NRG3: variants seen among roughly 807,000 people sequenced by gnomAD.
NRG3 encodes neuregulin 3.
Under a neutral mutation model 66.9 loss-of-function variants are expected in NRG3, and 31 were observed. That is an observed-to-expected ratio of 0.46 (90% CI 0.35 to 0.63). NRG3 has a LOEUF of 0.63. Ranked by LOEUF, NRG3 falls within the 20% of genes least tolerant of loss-of-function variation. The pLI is 0.00. For missense variants in NRG3, 910 were observed against 878.9 expected (o/e 1.04, Z -0.45); for synonymous variants, 393 against 359.4 (o/e 1.09, Z -1.06).
At chr10:82,616,340 T>G (rs945056746) in intron 2 of NRG3, among the ~76,000 whole-genome samples, 3 of 152,200 alleles carry the variant, frequency 2.0e-5, no homozygotes, top group Non-Finnish European at 2.9e-5. Context: ...AAGAAGTGGC[T>G]TTCCACATTA....
intron 4 of NRG3, among the ~76,000 whole-genome samples, chr10:82,914,186 C>A (rs1025125806): frequency 2.0e-5 from 3 of 151,920 alleles, no homozygotes; most frequent in African/African-American, 4.8e-5. Flanking sequence ...CATTACCCAT[C>A]TGTTATTGCA....
At chr10:82,583,516 T>C (rs1325370638) in intron 2 of NRG3, among the ~76,000 whole-genome samples, 1 of 152,234 alleles carries the variant, frequency 6.6e-6, no homozygotes, top group Non-Finnish European at 1.5e-5. Context: ...AAGTATTTGG[T>C]ACTGTGTTTG....
At chr10:82,381,159 G>T (rs373867116) in intron 2 of NRG3, among the ~76,000 whole-genome samples, 2 of 152,160 alleles carry the variant, frequency 1.3e-5, no homozygotes, top group East Asian at 1.9e-4. Flanking sequence ...TGTTTTGGGG[G>T]AAGGAAGAAG....
chr10:82,108,001 G>C (rs2067171168), intron 1 of NRG3, among the ~76,000 whole-genome samples: 1 of 152,182 alleles, frequency 6.6e-6, no homozygotes, highest in South Asian at 2.1e-4. Context: ...CGTCTGTGAG[G>C]TCTACTTTGG....
At chr10:82,530,727 T>G (rs1847165349) in intron 2 of NRG3, among the ~76,000 whole-genome samples, 1 of 151,868 alleles carries the variant, frequency 6.6e-6, no homozygotes, top group South Asian at 2.1e-4. Context: ...GAATCCAAAG[T>G]TTGGACAACA....
intron 1 of NRG3, among the ~76,000 whole-genome samples, chr10:82,242,860 C>T (rs533675162): frequency 6.6e-6 from 1 of 152,322 alleles, no homozygotes; most frequent in South Asian, 2.1e-4. Context: ...AAAGGGAATT[C>T]TACTGGCAAA....
intron 2 of NRG3, among the ~76,000 whole-genome samples, chr10:82,476,905 A>C (rs1418975019): frequency 6.6e-6 from 1 of 152,174 alleles, no homozygotes; most frequent in African/African-American, 2.4e-5. Flanking sequence ...TTTTGAAAAG[A>C]ATCAAAATAA....
At chr10:82,281,334 T>C (rs1204125145) in intron 1 of NRG3, among the ~76,000 whole-genome samples, 1 of 152,128 alleles carries the variant, frequency 6.6e-6, no homozygotes, top group Non-Finnish European at 1.5e-5. Flanking sequence ...AATTTATCCC[T>C]AGTAAAGAGA....
At chr10:82,098,063 A>ACG (rs2066469756) in intron 1 of NRG3, among the ~76,000 whole-genome samples, 2 of 139,594 alleles carry the variant, frequency 1.4e-5, no homozygotes, top group African/African-American at 5.0e-5. Flanking sequence ...ATACACACAC[A>ACG]CACACACACA....
intron 2 of NRG3, among the ~76,000 whole-genome samples, chr10:82,631,931 G>A (rs1006487595): frequency 4.6e-5 from 7 of 151,796 alleles, no homozygotes; most frequent in Admixed American, 2.6e-4. Flanking sequence ...GTGAAATTCC[G>A]TCTCTACCAA....
At chr10:82,307,769 T>A (rs2080821461) in intron 1 of NRG3, among the ~76,000 whole-genome samples, 1 of 151,922 alleles carries the variant, frequency 6.6e-6, no homozygotes, top group African/African-American at 2.4e-5. Context: ...TTTTTTCCTG[T>A]CATTTAAAAA....
intron 1 of NRG3, among the ~76,000 whole-genome samples, chr10:82,097,212 C>A (rs1007596576): frequency 6.6e-5 from 10 of 151,916 alleles, no homozygotes; most frequent in Non-Finnish European, 1.3e-4. Context: ...AGTCTGAATT[C>A]TTTCACTTAG....
intron 1 of NRG3, among the ~76,000 whole-genome samples, chr10:82,251,160 T>C (rs1303651577): frequency 6.6e-6 from 1 of 152,094 alleles, no homozygotes; most frequent in Non-Finnish European, 1.5e-5. Flanking sequence ...CTCCACTCTA[T>C]CCTATTCCCC....
intron 8 of NRG3, among the ~76,000 whole-genome samples, chr10:82,983,525 A>G (rs1225138674): frequency 2.6e-5 from 4 of 152,202 alleles, no homozygotes; most frequent in Non-Finnish European, 5.9e-5. Context: ...TAACATTGAT[A>G]GTAATTAGAA....
In NRG3 at chr10:82,152,142, C is replaced by T. The variant is rs143913539; in HGVS notation, c.824-206597C>T. ...TAACTCTGCCATTGTACCGTGAAAG[C>T]AGCCACAGACATATGTAAATGAGTG... On this transcript the variant is annotated intron_variant, in intron 1 of 8. Coordinates refer to ENST00000372141, the MANE Select transcript of NRG3 (RefSeq NM_001010848.4). 6.4e-4 allele frequency among the ~76,000 whole-genome samples: 97 copies of T among 152,258 alleles called. No individual in the cohort carries two copies. The East Asian group carries it at 0.016, about 25-fold the overall frequency.
At chr10:82,564,309 A>AT (rs1316145830) in intron 2 of NRG3, among the ~76,000 whole-genome samples, 1 of 152,132 alleles carries the variant, frequency 6.6e-6, no homozygotes, top group Non-Finnish European at 1.5e-5. Context: ...CATTTTGCAT[A>AT]TTTCTTTGGA....
intron 2 of NRG3, among the ~76,000 whole-genome samples, chr10:82,642,435 G>C (rs2050648007): frequency 1.3e-5 from 2 of 151,774 alleles, no homozygotes; most frequent in African/African-American, 4.8e-5. Flanking sequence ...TATACTTCCT[G>C]GTGAAATAAT....
At chr10:82,332,100 T>A (rs2082164719) in intron 1 of NRG3, among the ~76,000 whole-genome samples, 1 of 152,212 alleles carries the variant, frequency 6.6e-6, no homozygotes. Context: ...AAGGGAATCA[T>A]AAAGATGCCT....
intron 1 of NRG3, among the ~76,000 whole-genome samples, chr10:82,304,067 A>G (rs2080572344): frequency 6.6e-6 from 1 of 152,028 alleles, no homozygotes; most frequent in Non-Finnish European, 1.5e-5. Flanking sequence ...GGGTTTGTAT[A>G]TTTTTATTAG....
Sources: allele counts gnomAD v4.1 joint callset (sites outside exome capture counted in the v4.1 genomes callset), GRCh38; gene constraint gnomAD v4.1.1; transcripts MANE v1.5; gene names NCBI Gene and HGNC (gene_info 2026-07-23, HGNC 2026-07-21).